The following TSPAN15 variants were observed in gnomAD, a reference collection of about 807,000 sequenced individuals.
The protein encoded by TSPAN15 is tetraspanin 15.
A neutral mutation model predicts 34.5 loss-of-function variants in TSPAN15; 20 were observed. That is an observed-to-expected ratio of 0.58 (90% CI 0.41 to 0.84). The LOEUF (loss-of-function observed/expected upper bound fraction) is 0.84, where lower values mean the gene tolerates loss of function less well. TSPAN15 is among the 40% of genes least tolerant of loss of function. The pLI is 0.00. For synonymous variants in TSPAN15, 155 were observed against 153.9 expected (o/e 1.01, Z -0.05); for missense variants, 313 against 386.1 (o/e 0.81, Z 1.59).
the TSPAN15 span, among the ~76,000 whole-genome samples, chr10:69,531,702 G>A: frequency 6.6e-6 from 1 of 151,982 alleles, no homozygotes; most frequent in Non-Finnish European, 1.5e-5. Context: ...AGATATACCT[G>A]CACAAAAGGT....
chr10:69,539,688 C>T, the TSPAN15 span, among the ~76,000 whole-genome samples: 1 of 152,104 alleles, frequency 6.6e-6, no homozygotes, highest in Non-Finnish European at 1.5e-5. Context: ...TAGTTTGGGG[C>T]TGATTCCATG....
chr10:69,452,044 C>T (rs1185285728), intron 1 of TSPAN15, among the ~76,000 whole-genome samples: 4 of 152,270 alleles, frequency 2.6e-5, no homozygotes. Flanking sequence ...ACTGCCTCTG[C>T]ATCGGCCTGT....
the TSPAN15 span, among the ~76,000 whole-genome samples, chr10:69,516,874 G>A: frequency 6.6e-6 from 1 of 152,134 alleles, no homozygotes; most frequent in Non-Finnish European, 1.5e-5. Flanking sequence ...GGGACATAAG[G>A]GGTGCTCACT....
intron 5 of TSPAN15, among the ~76,000 whole-genome samples, chr10:69,501,408 C>T (rs1842205835): frequency 6.6e-6 from 1 of 152,190 alleles, no homozygotes. Flanking sequence ...GCCACCACAC[C>T]TGGATGATTT....
chr10:69,482,079 A>AC (rs1254867217), intron 1 of TSPAN15, among the ~76,000 whole-genome samples: 1 of 152,162 alleles, frequency 6.6e-6, no homozygotes, highest in African/African-American at 2.4e-5. Flanking sequence ...AAAAAAAAAA[A>AC]AAACCAACCA....
chr10:69,527,027 G>A, the TSPAN15 span, among the ~76,000 whole-genome samples: 1 of 147,786 alleles, frequency 6.8e-6, no homozygotes, highest in Non-Finnish European at 1.5e-5. Flanking sequence ...GTACACAAAT[G>A]TTTATGGCAA....
chr10:69,492,901 C>T (rs1272250192), intron 3 of TSPAN15, among the ~76,000 whole-genome samples: 1 of 152,188 alleles, frequency 6.6e-6, no homozygotes, highest in African/African-American at 2.4e-5. Flanking sequence ...AGGACTGTGT[C>T]TGTGGTGCCT....
intron 1 of TSPAN15, among the ~76,000 whole-genome samples, chr10:69,472,705 G>A (rs576416201): frequency 6.6e-6 from 1 of 152,202 alleles, no homozygotes; most frequent in Non-Finnish European, 1.5e-5. Context: ...GTGCTACATG[G>A]TTACTGGGGA....
At position 69,507,480 on chromosome 10, in the gene TSPAN15, C is replaced by T; in HGVS notation, c.*502C>T. On this transcript the variant is annotated 3_prime_UTR_variant, in exon 8 of 8. Transcript: ENST00000373290. ...CTCAGCCTCCCAGGTGCCTTGAGCCCTCTTGCAAGGGCGGCTGCTTCCTTG... is the reference window on the plus strand; with the variant it reads ...CTCAGCCTCCCAGGTGCCTTGAGCCTTCTTGCAAGGGCGGCTGCTTCCTTG... The T allele has an allele frequency of 1.5e-6, 2 of 1,304,236 alleles. No individual in the cohort carries two copies. Among genetic ancestry groups the T allele is most frequent in the South Asian group, 2.5e-5 (2 of 80,900 alleles). 80.8% of individuals were successfully genotyped at this position (1,304,236 alleles called of 1,614,324 possible). A position where few individuals can be genotyped will look rare whatever the true frequency, so the allele number is the denominator to read the frequency against.
At chr10:69,528,676 G>A in the TSPAN15 span, among the ~76,000 whole-genome samples, 2 of 148,402 alleles carry the variant, frequency 1.3e-5, no homozygotes, top group Admixed American at 1.4e-4. Context: ...TTGAGCAATG[G>A]AACAGCTCAC....
chr10:69,509,300 C>T (rs529984304), downstream of TSPAN15, among the ~76,000 whole-genome samples: 1 of 152,342 alleles, frequency 6.6e-6, no homozygotes, highest in East Asian at 1.9e-4. Context: ...GATGGCTAAG[C>T]TCCAGCAGAC....
chr10:69,515,924 C>T, the TSPAN15 span, among the ~76,000 whole-genome samples: 19 of 152,204 alleles, frequency 1.2e-4, no homozygotes, highest in African/African-American at 4.3e-4. Context: ...CTGCTTTCCG[C>T]CCCCTACCCC....
the TSPAN15 span, among the ~76,000 whole-genome samples, chr10:69,521,661 T>C: frequency 6.8e-6 from 1 of 147,894 alleles, no homozygotes; most frequent in African/African-American, 2.5e-5. Context: ...TCATTTTTCC[T>C]GCTTGAGCTG....
chr10:69,481,023 C>T (rs929822587), intron 1 of TSPAN15, among the ~76,000 whole-genome samples: 7 of 152,190 alleles, frequency 4.6e-5, no homozygotes, highest in Admixed American at 3.3e-4. Context: ...AAAGGCTGCT[C>T]GCCATTGCTC....
chr10:69,467,457 CTCT>C (rs921060655), intron 1 of TSPAN15, among the ~76,000 whole-genome samples: 3 of 152,088 alleles, frequency 2.0e-5, no homozygotes, highest in Admixed American at 2.0e-4. Flanking sequence ...GTAAACAAAC[CTCT>C]TCCTTTAGCC....
At chr10:69,510,700 T>C (rs916842392), downstream of TSPAN15, among the ~76,000 whole-genome samples, 9 of 152,240 alleles carry the variant, frequency 5.9e-5, no homozygotes, top group Non-Finnish European at 1.2e-4. Flanking sequence ...CAGTATGATA[T>C]TGGCTGTGGG....
At chr10:69,512,512 A>C (rs1842425238), downstream of TSPAN15, among the ~76,000 whole-genome samples, 1 of 152,264 alleles carries the variant, frequency 6.6e-6, no homozygotes, top group Non-Finnish European at 1.5e-5. Flanking sequence ...CCATCACTAC[A>C]GTCAAGATAA....
the TSPAN15 span, among the ~76,000 whole-genome samples, chr10:69,518,175 A>G: frequency 6.6e-6 from 1 of 152,270 alleles, no homozygotes; most frequent in African/African-American, 2.4e-5. Flanking sequence ...TTCAATTTGC[A>G]TTGAACGCAA....
chr10:69,455,766 A>G (rs375860034), intron 1 of TSPAN15, among the ~76,000 whole-genome samples: 20 of 151,912 alleles, frequency 1.3e-4, no homozygotes, highest in African/African-American at 4.6e-4. Context: ...GTTAAGGGGT[A>G]TATGAATATA....
Sources: gnomAD v4.1 joint callset for allele counts (sites outside exome capture counted in the v4.1 genomes callset) on GRCh38, gnomAD v4.1.1 for gene constraint, MANE v1.5 for transcripts, NCBI Gene and HGNC (gene_info 2026-07-23, HGNC 2026-07-21) for gene names.